Variants in WWOX observed in about 807,000 individuals in gnomAD.
WWOX encodes WW domain-containing oxidoreductase.
A neutral mutation model predicts 46.2 loss-of-function variants in WWOX; 69 were observed. That is an observed-to-expected ratio of 1.49 (90% CI 1.23 to 1.82). The LOEUF (loss-of-function observed/expected upper bound fraction) is 1.82, where lower values mean the gene tolerates loss of function less well. Ranked by LOEUF, WWOX falls within the 40% of genes most tolerant of loss-of-function variation. The probability of loss-of-function intolerance (pLI) is 0.00; values close to 1 mark genes in which losing one functional copy is unlikely to be tolerated. For missense variants in WWOX, 919 were observed against 542.6 expected (o/e 1.69, Z -6.89); for synonymous variants, 359 against 202.6 (o/e 1.77, Z -6.56).
chr16:79,066,433 A>G lies in WWOX; in HGVS notation c.1057-145175A>G, dbSNP rs150192612. ...TTTTGACATCATTATCAAGTGCGCA[A>G]TTAGGCTCACAGTTGAGCTCAACAT... On this transcript the variant is annotated intron_variant, in intron 8 of 8. Coordinates refer to ENST00000566780, the MANE Select transcript of WWOX (RefSeq NM_016373.4). Among the ~76,000 whole-genome samples the G allele has an allele frequency of 2.0e-3, 299 of 152,282 alleles. 2 individuals are homozygous for G. The highest frequency in any genetic ancestry group is 9.1e-3 in the Admixed American group (139 of 15,302).
intron 4 of WWOX, chr16:78,130,154 A>G (rs945501659): frequency 6.6e-6 from 1 of 152,242 alleles, no homozygotes; most frequent in South Asian, 2.1e-4. Context: ...CTGTGAGTCA[A>G]TTAAACCTCT....
At chr16:78,631,220 A>G (rs991178869) in intron 8 of WWOX, among the ~76,000 whole-genome samples, 1 of 152,156 alleles carries the variant, frequency 6.6e-6, no homozygotes, top group Non-Finnish European at 1.5e-5. Flanking sequence ...TACAAATCAC[A>G]TTTAGGAGTG....
Position 78,420,653 on chromosome 16 carries a change from T to G in WWOX, c.606-4217T>G, listed in dbSNP as rs866241721. Among the ~76,000 whole-genome samples, 170 of 52,090 alleles carry G rather than the reference T, an allele frequency of 3.3e-3. 2 individuals are homozygous for G. In the African/African-American group the frequency reaches 0.057, roughly 17 times the overall value. The allele number at this position is 52,090 out of a possible 152,430, so 34.2% of individuals were successfully genotyped here. On this transcript the variant is annotated intron_variant, in intron 6 of 8. Transcript: ENST00000566780. ...TAGAGGGTGGCTAGTGATTGCTAAT[T>G]TTTTTTTTTTTTTTTGAGTTAAAAA...
At chr16:78,284,406 C>G (rs1193647961) in intron 5 of WWOX, among the ~76,000 whole-genome samples, 1 of 152,238 alleles carries the variant, frequency 6.6e-6, no homozygotes, top group African/African-American at 2.4e-5. Context: ...ATGCCTGCTA[C>G]TTTGAAGTGG....
At chr16:78,572,527 G>A (rs138914405) in intron 8 of WWOX, among the ~76,000 whole-genome samples, 2,856 of 149,976 alleles carry the variant, frequency 0.019, 56 homozygotes, top group African/African-American at 0.046. Flanking sequence ...CTCTTGAGCC[G>A]GGAAGGTCGA....
intron 6 of WWOX, among the ~76,000 whole-genome samples, chr16:78,422,738 C>CAT (rs575231968): frequency 3.0e-4 from 30 of 101,424 alleles, no homozygotes; most frequent in African/African-American, 1.4e-4. Flanking sequence ...TATACACACA[C>CAT]ATATATATAC....
At chr16:79,062,833 T>C (rs540208686) in intron 8 of WWOX, among the ~76,000 whole-genome samples, 3 of 152,270 alleles carry the variant, frequency 2.0e-5, no homozygotes, top group African/African-American at 7.2e-5. Context: ...AGTATTTCCA[T>C]TATAAATGTC....
intron 8 of WWOX, among the ~76,000 whole-genome samples, chr16:78,597,953 A>G (rs2045530287): frequency 6.6e-6 from 1 of 152,102 alleles, no homozygotes; most frequent in Admixed American, 6.6e-5. Context: ...GTTTTGCGGT[A>G]TGCCCTTTAA....
chr16:78,875,804 C>T (rs543630976), intron 8 of WWOX, among the ~76,000 whole-genome samples: 1 of 152,166 alleles, frequency 6.6e-6, no homozygotes, highest in East Asian at 1.9e-4. Flanking sequence ...ATTGGTGACA[C>T]GGTTATTGAC....
chr16:79,132,163 CA>C (rs1567571789), intron 8 of WWOX, among the ~76,000 whole-genome samples: 76 of 145,804 alleles, frequency 5.2e-4, no homozygotes, highest in African/African-American at 1.8e-3. Flanking sequence ...CACACACACA[CA>C]CACCCCTTCC....
intron 8 of WWOX, among the ~76,000 whole-genome samples, chr16:79,160,396 C>G (rs964405836): frequency 2.0e-5 from 3 of 152,116 alleles, no homozygotes; most frequent in African/African-American, 4.8e-5. Flanking sequence ...CTGCATTCCC[C>G]TAGACAAATC....
chr16:79,190,098 C>T (rs1003780003), intron 8 of WWOX, among the ~76,000 whole-genome samples: 14 of 151,400 alleles, frequency 9.2e-5, no homozygotes, highest in Admixed American at 7.2e-4. Flanking sequence ...GATCTCGGCT[C>T]ACTGCAACCT....
At position 78,218,552 on chromosome 16, in the gene WWOX, C is replaced by G. The variant is rs112212891; in HGVS notation, c.516+54263C>G. Among the ~76,000 whole-genome samples, 89 of 152,180 alleles carry G rather than the reference C, an allele frequency of 5.8e-4. 1 individual carries two copies. The highest frequency in any genetic ancestry group is 2.0e-3 in the African/African-American group (85 of 41,532). On this transcript the variant is annotated intron_variant, in intron 5 of 8. Transcript: ENST00000566780. The stretch of plus-strand genomic sequence containing the variant: ...ATGCTTTTTAAAATTTACCGCCAAC[C>G]CACAGGAAAACTATTCTCCTTCTTC...
intron 7 of WWOX, among the ~76,000 whole-genome samples, chr16:78,428,093 AC>A (rs1386189705): frequency 6.6e-6 from 1 of 151,984 alleles, no homozygotes; most frequent in Admixed American, 6.6e-5. Flanking sequence ...AAAAAGCAAA[AC>A]CCCCACAGTA....
chr16:78,232,846 C>CTTTTCTT (rs1231032911), intron 5 of WWOX, among the ~76,000 whole-genome samples: 1 of 151,368 alleles, frequency 6.6e-6, no homozygotes, highest in African/African-American at 2.4e-5. Context: ...TCTTTCTTTT[C>CTTTTCTT]TTTTCTTTTT....
intron 5 of WWOX, among the ~76,000 whole-genome samples, chr16:78,226,499 TCCC>T: frequency 1.4e-5 from 1 of 71,648 alleles, no homozygotes; most frequent in African/African-American, 5.0e-5. Flanking sequence ...CCTCCCTCCC[TCCC>T]TCCCTTCCTT....
intron 5 of WWOX, among the ~76,000 whole-genome samples, chr16:78,169,295 A>G (rs1476173126): frequency 6.6e-6 from 1 of 152,124 alleles, no homozygotes; most frequent in East Asian, 1.9e-4. Context: ...AGCAGTGTCT[A>G]TGTGTTAGGA....
intron 8 of WWOX, among the ~76,000 whole-genome samples, chr16:78,460,600 C>T (rs1052661972): frequency 2.0e-5 from 3 of 152,218 alleles, no homozygotes; most frequent in African/African-American, 4.8e-5. Context: ...GCCTGAATGA[C>T]TCAGACTTGG....
At chr16:78,757,704 TAAATC>T (rs1287354931) in intron 8 of WWOX, among the ~76,000 whole-genome samples, 1 of 151,794 alleles carries the variant, frequency 6.6e-6, no homozygotes. Flanking sequence ...TTTATATAAA[TAAATC>T]CATTTTTATT....
Sources: allele counts gnomAD v4.1 joint callset (sites outside exome capture counted in the v4.1 genomes callset), GRCh38; gene constraint gnomAD v4.1.1; transcripts MANE v1.5; gene names NCBI Gene and HGNC (gene_info 2026-07-23, HGNC 2026-07-21).